ZNF148: variants seen among roughly 807,000 people sequenced by gnomAD.
ZNF148 encodes Beta-Enolase Repressor Factor-1.
ZNF148 carries 7 observed loss-of-function variants against 67.7 expected under a neutral mutation model. That is an observed-to-expected ratio of 0.10 (90% CI 0.06 to 0.19). The LOEUF (loss-of-function observed/expected upper bound fraction) is 0.19, where lower values mean the gene tolerates loss of function less well. Among genes scored for constraint, ZNF148 ranks in the 10% least tolerant of loss-of-function variants. ZNF148 has a pLI of 1.00. For missense variants in ZNF148, 583 were observed against 947.1 expected, an observed-to-expected ratio of 0.62 and a Z score of 5.05; for synonymous variants, 333 against 330.7, an observed-to-expected ratio of 1.01 and a Z score of -0.08.
chr3:125,272,791 TA>T (rs1027527976), intron 7 of ZNF148, among the ~76,000 whole-genome samples: 2 of 151,414 alleles, frequency 1.3e-5, no homozygotes, highest in African/African-American at 4.9e-5. Context: ...GCTTTGCAGA[TA>T]AAAAAAAATT....
At chr3:125,284,463 T>G (rs981222373) in intron 5 of ZNF148, among the ~76,000 whole-genome samples, 1 of 152,142 alleles carries the variant, frequency 6.6e-6, no homozygotes, top group African/African-American at 2.4e-5. Context: ...AGTGAAGTGA[T>G]TATAAGCAGT....
At chr3:125,358,718 TAAAC>T (rs1190133518) in intron 1 of ZNF148, among the ~76,000 whole-genome samples, 3 of 152,158 alleles carry the variant, frequency 2.0e-5, no homozygotes, top group South Asian at 4.1e-4. Flanking sequence ...CCTAATCAAA[TAAAC>T]AAATTTTAAT....
chr3:125,370,011 A>T (rs1942829010), intron 1 of ZNF148, among the ~76,000 whole-genome samples: 1 of 152,160 alleles, frequency 6.6e-6, no homozygotes, highest in Non-Finnish European at 1.5e-5. Flanking sequence ...AATACTACAA[A>T]TTCCTTGAGA....
chr3:125,373,909 C>T (rs1283290292), intron 1 of ZNF148, among the ~76,000 whole-genome samples: 3 of 152,142 alleles, frequency 2.0e-5, no homozygotes, highest in Non-Finnish European at 4.4e-5. Context: ...TTGTGTACTG[C>T]AATCCAGGCT....
At position 125,313,649 on chromosome 3, in the gene ZNF148, A is replaced by G. The variant is rs1940341004; in HGVS notation, c.-9T>C. Reference sequence around the variant, plus strand: ...TTGTCGTCAATGTTCATGCTTAAGTATAACTGCCTAGAAAACCAAGTTTGG... The same window carrying G: ...TTGTCGTCAATGTTCATGCTTAAGTGTAACTGCCTAGAAAACCAAGTTTGG... On this transcript the variant is annotated 5_prime_UTR_variant, in exon 4 of 9. Transcript: ENST00000360647. 1.3e-6 allele frequency: 2 copies of G among 1,596,996 alleles called. No homozygotes were observed. The highest frequency in any genetic ancestry group is 2.3e-5 in the East Asian group (1 of 44,442).
intron 4 of ZNF148, among the ~76,000 whole-genome samples, chr3:125,312,437 A>G (rs575299520): frequency 6.6e-6 from 1 of 152,330 alleles, no homozygotes; most frequent in South Asian, 2.1e-4. Flanking sequence ...TACAGTGAAA[A>G]GTAAGACAAA....
intron 7 of ZNF148, among the ~76,000 whole-genome samples, chr3:125,261,782 T>C (rs889253624): frequency 6.8e-6 from 1 of 147,674 alleles, no homozygotes; most frequent in African/African-American, 2.5e-5. Context: ...GTCTAAGAAC[T>C]GAGAGGGTGG....
chr3:125,280,555 C>A (rs1938322457), intron 5 of ZNF148, among the ~76,000 whole-genome samples: 1 of 151,526 alleles, frequency 6.6e-6, no homozygotes, highest in Admixed American at 6.6e-5. Context: ...GTGGCACACA[C>A]CTGTACTCTC....
chr3:125,287,755 C>A (rs1286423494), intron 5 of ZNF148, among the ~76,000 whole-genome samples: 3 of 152,168 alleles, frequency 2.0e-5, no homozygotes, highest in Non-Finnish European at 4.4e-5. Context: ...ATCCTATTAA[C>A]AGGGATCCTA....
chr3:125,286,194 A>T (rs945866960), intron 5 of ZNF148, among the ~76,000 whole-genome samples: 5 of 152,204 alleles, frequency 3.3e-5, no homozygotes, highest in African/African-American at 1.2e-4. Flanking sequence ...TAATGTAAAG[A>T]ACCCCCAAAA....
intron 4 of ZNF148, among the ~76,000 whole-genome samples, chr3:125,303,605 C>T (rs970343561): frequency 1.3e-5 from 2 of 152,174 alleles, no homozygotes; most frequent in African/African-American, 4.8e-5. Context: ...GATGATCTGT[C>T]ACTGTCTCCC....
At chr3:125,279,326 T>C (rs115606545) in intron 5 of ZNF148, 79 bp from the exon 6 acceptor site, 1 of 1,181,840 alleles carries the variant, frequency 8.5e-7, no homozygotes, top group Non-Finnish European at 1.1e-6. Flanking sequence ...AAAAAAAAGA[T>C]AATGCAAACA....
In ZNF148 at chr3:125,292,957, A is replaced by G. The variant is rs1939092743; in HGVS notation, c.334-4729T>C. ...TATATCCAGTTATATTAAGCCAGAT[A>G]ATAAAGAGATATCAAAAAAATGTAA... On this transcript the variant is annotated intron_variant, in intron 4 of 8. Coordinates refer to ENST00000360647, the MANE Select transcript of ZNF148 (RefSeq NM_021964.3). Among the ~76,000 whole-genome samples the G allele has an allele frequency of 2.6e-5, 4 of 152,230 alleles. No individual in the cohort carries two copies. The South Asian group carries it at 8.3e-4, about 31-fold the overall frequency.
At chr3:125,264,096 A>G (rs150719738) in intron 7 of ZNF148, among the ~76,000 whole-genome samples, 1 of 152,314 alleles carries the variant, frequency 6.6e-6, no homozygotes, top group East Asian at 1.9e-4. Context: ...GGTACTTGGG[A>G]CCCTTCCAGA....
rs754147831 is a variant in ZNF148, at chr3:125,232,552, T to G, written c.2174A>C (p.Gln725Pro). Residue 725 changes from glutamine (Q) to proline (P), a missense_variant, in exon 9 of 9, where the codon CAA becomes CCA. Physicochemically the swap from Gln to Pro is moderately conservative, Grantham distance 76. This residue lies in a region of ZNF148 where 158 missense variants were observed against 208.4 expected (regional missense o/e 0.76). Transcript: ENST00000360647. The surrounding 1 kb of genome is among the most constrained non-coding windows in gnomAD (Gnocchi z 4.2). ...GAAGGGCTGTTCAAAGGAGCTCATT[T>G]GGTAAGCTTGGTGGACAGGCTGGGC... is the stretch of plus-strand genomic sequence containing the variant. ...AEAQPVHQAY[Q>P]MSSFEQPFRA... The G allele has an allele frequency of 1.9e-6, 3 of 1,613,758 alleles. No homozygotes were observed. The highest frequency in any genetic ancestry group is 1.7e-5 in the Admixed American group (1 of 59,966).
intron 2 of ZNF148, among the ~76,000 whole-genome samples, chr3:125,329,853 T>G (rs1244544906): frequency 1.3e-5 from 2 of 152,190 alleles, no homozygotes; most frequent in Admixed American, 1.3e-4. Flanking sequence ...GTTTATTTTT[T>G]AATATTACTG....
intron 1 of ZNF148, among the ~76,000 whole-genome samples, chr3:125,369,376 T>C (rs530062895): frequency 2.2e-5 from 2 of 91,616 alleles, no homozygotes; most frequent in South Asian, 7.1e-4. Flanking sequence ...CAAAGAATAC[T>C]GCAACCTCAA....
chr3:125,247,756 G>A (rs2107540778), intron 7 of ZNF148, among the ~76,000 whole-genome samples: 1 of 152,212 alleles, frequency 6.6e-6, no homozygotes, highest in Admixed American at 6.5e-5. Flanking sequence ...ACTGTTTCGT[G>A]GCTTCCACAG....
In ZNF148 at chr3:125,303,521, C is replaced by T. The variant is rs536098877; in HGVS notation, c.333+9787G>A. Among the ~76,000 whole-genome samples, 14 of 152,296 alleles carry T rather than the reference C, an allele frequency of 9.2e-5. 1 individual carries two copies. In the East Asian group the frequency reaches 2.3e-3, roughly 25 times the overall value. On this transcript the variant is annotated intron_variant, in intron 4 of 8. Transcript: ENST00000360647. ...CGACAGCATTAAATTCTCATAGGAG[C>T]TCAAACCCTATTGTGAACTGCACAT...
Sources: gnomAD v4.1 joint callset for allele counts (sites outside exome capture counted in the v4.1 genomes callset) on GRCh38, gnomAD v4.1.1 for gene constraint, gnomAD v4.1.1 regional missense constraint, Gnocchi (gnomAD v3.1) non-coding constraint, MANE v1.5 for transcripts, NCBI Gene and HGNC (gene_info 2026-07-23, HGNC 2026-07-21) for gene names.